The following MRPS31 variants were observed in gnomAD, a reference collection of about 807,000 sequenced individuals.
MRPS31 encodes the protein mitochondrial ribosomal protein S31, also known as small ribosomal subunit protein mS31.
A neutral mutation model predicts 43.1 loss-of-function variants in MRPS31; 32 were observed. The ratio of observed to expected loss-of-function variants is 0.74; its 90% CI spans 0.56 to 1.00. MRPS31 has a LOEUF of 1.00. Among genes scored for constraint, MRPS31 ranks in the 50% least tolerant of loss-of-function variants. The pLI is 0.00. For synonymous variants in MRPS31, 165 were observed against 161.6 expected (o/e 1.02, Z -0.16); for missense variants, 437 against 466.7 (o/e 0.94, Z 0.59).
intron 5 of MRPS31, among the ~76,000 whole-genome samples, chr13:40,751,833 CCTAA>C (rs1483004719): frequency 7.2e-5 from 11 of 152,212 alleles, no homozygotes; most frequent in Non-Finnish European, 1.0e-4. Context: ...GTGCTATTTT[CCTAA>C]CTAGAGTATA....
chr13:40,745,182 A>C (rs1029978072), intron 6 of MRPS31, among the ~76,000 whole-genome samples: 5 of 152,102 alleles, frequency 3.3e-5, no homozygotes, highest in African/African-American at 1.2e-4. Flanking sequence ...TCGGCCTCCT[A>C]AAGTGCTGGG....
rs1310721316 is a variant in MRPS31 at position 40,743,118 on chromosome 13, C to T, written c.958+6020G>A. Among the ~76,000 whole-genome samples, 5 of 152,018 alleles carry T rather than the reference C, an allele frequency of 3.3e-5. No homozygotes were observed. In the East Asian group the frequency reaches 9.6e-4, roughly 29 times the overall value. On this transcript the variant is annotated intron_variant, in intron 6 of 6. Transcript: ENST00000323563. Reference sequence around the variant, plus strand: ...CCTGAGGTCAGGAGTTCAAGACCAGCCTGGCCAACATGGTAAAACCCTGCC... The same window carrying T: ...CCTGAGGTCAGGAGTTCAAGACCAGTCTGGCCAACATGGTAAAACCCTGCC...
chr13:40,739,472 C>T (rs1051197649), intron 6 of MRPS31, among the ~76,000 whole-genome samples: 1 of 152,142 alleles, frequency 6.6e-6, no homozygotes, highest in African/African-American at 2.4e-5. Context: ...AAAGAGCCCA[C>T]ATCGCCAAGT....
intron 2 of MRPS31, among the ~76,000 whole-genome samples, chr13:40,759,889 C>T (rs1880643759): frequency 6.6e-6 from 1 of 152,032 alleles, no homozygotes; most frequent in African/African-American, 2.4e-5. Context: ...TATATCCATA[C>T]AATGGAAGAG....
At chr13:40,757,616 TTG>T (rs1880566794) in intron 3 of MRPS31, among the ~76,000 whole-genome samples, 5 of 151,812 alleles carry the variant, frequency 3.3e-5, no homozygotes, top group African/African-American at 1.2e-4. Context: ...GGCTAATTTT[TTG>T]TGTTTTTAGT....
At chr13:40,742,268 G>A (rs2138000139) in intron 6 of MRPS31, among the ~76,000 whole-genome samples, 1 of 152,216 alleles carries the variant, frequency 6.6e-6, no homozygotes, top group South Asian at 2.1e-4. Context: ...AAGGTGACAG[G>A]TTAATTGTGT....
intron 6 of MRPS31, among the ~76,000 whole-genome samples, chr13:40,736,659 G>C (rs1407018672): frequency 2.0e-5 from 3 of 150,400 alleles, no homozygotes; most frequent in Non-Finnish European, 4.4e-5. Flanking sequence ...TTTCAACCCA[G>C]AATTTCATAT....
At chr13:40,766,518 C>T (rs1015387781) in intron 2 of MRPS31, among the ~76,000 whole-genome samples, 1 of 152,070 alleles carries the variant, frequency 6.6e-6, no homozygotes, top group Non-Finnish European at 1.5e-5. Flanking sequence ...GGTCTCCAAA[C>T]TCCTGACCTC....
rs757377804 is a variant in MRPS31 at position 40,766,925 on chromosome 13, GCT to G, written c.259_260del (p.Ser87ProfsTer4). ...TCGTATTTTCCTTTTCACTGTCTTG[GCT>G]CTCTGAAGTCTCCTTGGAAGTCTCC... The part of the protein sequence containing the change: ...TEETSKETSE[S>X]QDSEKENTKK... On this transcript the variant is annotated frameshift_variant, in exon 2 of 7. Transcript: ENST00000323563. LOFTEE classifies it high-confidence loss of function. The G allele has an allele frequency of 1.2e-6, 2 of 1,613,974 alleles. No individual in the cohort carries two copies. Among genetic ancestry groups the G allele is most frequent in the South Asian group, 2.2e-5 (2 of 91,076 alleles).
chr13:40,733,766 T>A (rs1411418941), intron 6 of MRPS31, among the ~76,000 whole-genome samples: 3 of 151,436 alleles, frequency 2.0e-5, no homozygotes, highest in Non-Finnish European at 4.4e-5. Flanking sequence ...AGTGCAGGAG[T>A]TCACGACCAG....
At chr13:40,733,943 G>A (rs1445184798) in intron 6 of MRPS31, among the ~76,000 whole-genome samples, 3 of 118,972 alleles carry the variant, frequency 2.5e-5, no homozygotes, top group Non-Finnish European at 3.2e-5. Flanking sequence ...TGGACAATCA[G>A]AGTGAGACTC....
chr13:40,735,350 C>T (rs549664135), intron 6 of MRPS31, among the ~76,000 whole-genome samples: 1 of 152,008 alleles, frequency 6.6e-6, no homozygotes, highest in East Asian at 1.9e-4. Context: ...AGTGAGGCTG[C>T]GGGAGGGGCG....
intron 5 of MRPS31, among the ~76,000 whole-genome samples, chr13:40,750,590 C>A (rs1393547134): frequency 1.3e-5 from 2 of 151,504 alleles, no homozygotes; most frequent in African/African-American, 2.4e-5. Flanking sequence ...CCTTGGCTAC[C>A]TTTTCCCCTA....
At chr13:40,744,761 C>T (rs920839178) in intron 6 of MRPS31, among the ~76,000 whole-genome samples, 1 of 149,400 alleles carries the variant, frequency 6.7e-6, no homozygotes, top group Non-Finnish European at 1.5e-5. Context: ...ATTACAGGCC[C>T]CGCCATCACA....
intron 6 of MRPS31, among the ~76,000 whole-genome samples, chr13:40,730,031 G>A (rs529418009): frequency 4.0e-5 from 6 of 151,160 alleles, no homozygotes; most frequent in African/African-American, 4.8e-5. Flanking sequence ...CGCCTGGCCC[G>A]GAGTTAGATC....
intron 3 of MRPS31, among the ~76,000 whole-genome samples, chr13:40,757,538 G>A (rs1369222156): frequency 1.4e-5 from 2 of 146,806 alleles, no homozygotes; most frequent in African/African-American, 2.5e-5. Flanking sequence ...TCTGCCTCCC[G>A]GGTTCAAGCA....
chr13:40,743,623 G>A (rs566536788), intron 6 of MRPS31, among the ~76,000 whole-genome samples: 23 of 152,132 alleles, frequency 1.5e-4, no homozygotes, highest in African/African-American at 4.6e-4. Context: ...CGGATCATCC[G>A]GGCAATGCAA....
At position 40,729,371 on chromosome 13, in the gene MRPS31, C is replaced by T. The variant is rs368327783; in HGVS notation, c.*1G>A. ...TGTTTGAAATAAAAATTTCCATGGT[C>T]TTAATTGAACTGTATGTTACTTTCT... On this transcript the variant is annotated 3_prime_UTR_variant, in exon 7 of 7. Coordinates refer to ENST00000323563, the MANE Select transcript of MRPS31 (RefSeq NM_005830.4). 7.1e-7 allele frequency: 1 copy of T among 1,410,650 alleles called. No homozygotes were observed. The highest frequency in any genetic ancestry group is 9.8e-7 in the Non-Finnish European group (1 of 1,023,756). The allele number at this position is 1,410,650 out of a possible 1,614,324, so 87.4% of individuals were successfully genotyped here. A position where few individuals can be genotyped will look rare whatever the true frequency, so the allele number is the denominator to read the frequency against.
chr13:40,730,417 T>C (rs1879646725), intron 6 of MRPS31, among the ~76,000 whole-genome samples: 1 of 151,968 alleles, frequency 6.6e-6, no homozygotes, highest in Non-Finnish European at 1.5e-5. Context: ...CCCAGCTACT[T>C]GGGAGGCTGA....
Sources: allele counts gnomAD v4.1 joint callset (sites outside exome capture counted in the v4.1 genomes callset), GRCh38; gene constraint gnomAD v4.1.1; transcripts MANE v1.5; gene names NCBI Gene and HGNC (gene_info 2026-07-23, HGNC 2026-07-21).